SIPA1L1: variants seen among roughly 807,000 people sequenced by gnomAD.
SIPA1L1 encodes the protein signal induced proliferation associated 1 like 1, also known as signal-induced proliferation-associated 1-like protein 1.
A neutral mutation model predicts 162.7 loss-of-function variants in SIPA1L1; 26 were observed. The ratio of observed to expected loss-of-function variants is 0.16; its 90% CI spans 0.12 to 0.22. The LOEUF (loss-of-function observed/expected upper bound fraction) is 0.22. Among genes scored for constraint, SIPA1L1 ranks in the 10% least tolerant of loss-of-function variants. The pLI, the probability that SIPA1L1 is intolerant of heterozygous loss-of-function variation, is 1.00. For missense variants in SIPA1L1, 1,874 were observed against 2,241.0 expected, an observed-to-expected ratio of 0.84 and a Z score of 3.31; for synonymous variants, 829 against 837.4, an observed-to-expected ratio of 0.99 and a Z score of 0.17.
At chr14:71,364,313 T>C (rs2038082051) in intron 2 of SIPA1L1, among the ~76,000 whole-genome samples, 1 of 152,218 alleles carries the variant, frequency 6.6e-6, no homozygotes, top group Admixed American at 6.5e-5. Flanking sequence ...CATATGGTTG[T>C]AAATACAGTG....
chr14:71,599,449 G>A (rs1042398550), intron 5 of SIPA1L1, among the ~76,000 whole-genome samples: 4 of 147,732 alleles, frequency 2.7e-5, no homozygotes, highest in Non-Finnish European at 6.0e-5. Context: ...ACCACGCTGG[G>A]CGATTTCATT....
At chr14:71,629,524 A>T (rs2040364787) in intron 7 of SIPA1L1, among the ~76,000 whole-genome samples, 1 of 152,174 alleles carries the variant, frequency 6.6e-6, no homozygotes, top group South Asian at 2.1e-4. Flanking sequence ...ATTGCTGCAG[A>T]CTTCAGTGCC....
chr14:71,737,770 G>A (rs534083280), intron 22 of SIPA1L1, among the ~76,000 whole-genome samples: 1 of 152,150 alleles, frequency 6.6e-6, no homozygotes, highest in Non-Finnish European at 1.5e-5. Flanking sequence ...TGCATGAGTA[G>A]CTAAGACCAC....
At chr14:71,483,877 T>C (rs946290958) in intron 2 of SIPA1L1, among the ~76,000 whole-genome samples, 1 of 152,216 alleles carries the variant, frequency 6.6e-6, no homozygotes, top group Non-Finnish European at 1.5e-5. Flanking sequence ...ATGCTCTCTG[T>C]CACCGGTAAG....
At chr14:71,464,399 T>C (rs1467662566) in intron 2 of SIPA1L1, among the ~76,000 whole-genome samples, 1 of 152,148 alleles carries the variant, frequency 6.6e-6, no homozygotes, top group Non-Finnish European at 1.5e-5. Context: ...TCCCAGCACT[T>C]TGGGTCGCCG....
Position 71,721,210 on chromosome 14 carries a change from G to A in SIPA1L1, c.4209-2437G>A, listed in dbSNP as rs181020608. 4.4e-4 allele frequency among the ~76,000 whole-genome samples: 67 copies of A among 152,330 alleles called. 1 individual carries two copies. The East Asian group carries it at 0.013, about 29-fold the overall frequency. On this transcript the variant is annotated intron_variant, in intron 17 of 23. Coordinates refer to ENST00000381232, the MANE Select transcript of SIPA1L1 (RefSeq NM_001386936.1). Reference sequence around the variant, plus strand: ...CGCTTTGACTCACCAACTCCAAGAAGCACTGCTTTGATGGGCTTGGACAGG... The same window carrying A: ...CGCTTTGACTCACCAACTCCAAGAAACACTGCTTTGATGGGCTTGGACAGG...
intron 4 of SIPA1L1, among the ~76,000 whole-genome samples, chr14:71,545,917 A>G (rs2055144270): frequency 6.6e-6 from 1 of 152,156 alleles, no homozygotes; most frequent in East Asian, 1.9e-4. Context: ...CCTGGGCAAC[A>G]CAGTGAGAAC....
chr14:71,513,385 A>C (rs2051364350), intron 3 of SIPA1L1, among the ~76,000 whole-genome samples: 2 of 152,164 alleles, frequency 1.3e-5, no homozygotes, highest in Non-Finnish European at 2.9e-5. Context: ...CTAGTGTATC[A>C]GTCAGGGTTC....
At chr14:71,734,681 G>A (rs2085121883) in intron 21 of SIPA1L1, among the ~76,000 whole-genome samples, 1 of 152,158 alleles carries the variant, frequency 6.6e-6, no homozygotes, top group South Asian at 2.1e-4. Flanking sequence ...TGTTTATTTA[G>A]CAGATGGAAA....
chr14:71,431,640 G>T (rs1163644419), intron 2 of SIPA1L1, among the ~76,000 whole-genome samples: 2 of 152,156 alleles, frequency 1.3e-5, no homozygotes, highest in African/African-American at 4.8e-5. Context: ...GCTGTAGTGA[G>T]CTGTGATTGC....
chr14:71,495,987 G>T (rs1334971868), intron 2 of SIPA1L1, among the ~76,000 whole-genome samples: 1 of 148,344 alleles, frequency 6.7e-6, no homozygotes, highest in East Asian at 2.0e-4. Context: ...GGGAGGCTGA[G>T]TTGGGAGGAT....
At chr14:71,544,478 A>G (rs764873553) in intron 4 of SIPA1L1, among the ~76,000 whole-genome samples, 1 of 151,894 alleles carries the variant, frequency 6.6e-6, no homozygotes, top group Non-Finnish European at 1.5e-5. Context: ...TAATAAGTCA[A>G]ATTTCTTGAG....
intron 5 of SIPA1L1, among the ~76,000 whole-genome samples, chr14:71,599,785 T>C (rs1038781483): frequency 1.3e-5 from 2 of 152,202 alleles, no homozygotes; most frequent in Non-Finnish European, 2.9e-5. Context: ...CTGTTGTCTT[T>C]TTGTCTTTTT....
chr14:71,484,091 A>G (rs2048558097), intron 2 of SIPA1L1, among the ~76,000 whole-genome samples: 1 of 152,204 alleles, frequency 6.6e-6, no homozygotes. Context: ...ACGGACACAT[A>G]TAATAGACAC....
At chr14:71,692,364 C>T (rs1191274267) in intron 13 of SIPA1L1, among the ~76,000 whole-genome samples, 1 of 152,146 alleles carries the variant, frequency 6.6e-6, no homozygotes, top group East Asian at 1.9e-4. Flanking sequence ...AAGTGAAATG[C>T]AAGATCTTGA....
intron 7 of SIPA1L1, among the ~76,000 whole-genome samples, chr14:71,647,872 G>C (rs1260196828): frequency 6.7e-6 from 1 of 150,358 alleles, no homozygotes; most frequent in African/African-American, 2.5e-5. Context: ...TTAAATGTCA[G>C]TAGTGTGCAG....
At chr14:71,470,605 C>T (rs2047376485) in intron 2 of SIPA1L1, among the ~76,000 whole-genome samples, 1 of 152,060 alleles carries the variant, frequency 6.6e-6, no homozygotes. Context: ...GCTTGTAGGT[C>T]ATTGGATGTT....
intron 7 of SIPA1L1, among the ~76,000 whole-genome samples, chr14:71,639,561 A>G (rs1475543946): frequency 6.6e-6 from 1 of 152,182 alleles, no homozygotes; most frequent in Non-Finnish European, 1.5e-5. Context: ...TTTTGTGGTT[A>G]TAGACAAGAT....
chr14:71,558,295 T>C (rs2056510915), intron 4 of SIPA1L1, among the ~76,000 whole-genome samples: 1 of 152,186 alleles, frequency 6.6e-6, no homozygotes, highest in South Asian at 2.1e-4. Flanking sequence ...TTACCAGCCA[T>C]TGTATGAGAT....
Sources: gnomAD v4.1 joint callset for allele counts (sites outside exome capture counted in the v4.1 genomes callset) on GRCh38, gnomAD v4.1.1 for gene constraint, MANE v1.5 for transcripts, NCBI Gene and HGNC (gene_info 2026-07-23, HGNC 2026-07-21) for gene names.